Variants in INSR observed in about 807,000 individuals in gnomAD.
INSR encodes the protein insulin receptor, also known as IR.
In INSR, 67 loss-of-function variants were observed where a neutral mutation model predicts 142.6. The ratio of observed to expected loss-of-function variants is 0.47; its 90% CI spans 0.39 to 0.58. INSR has a LOEUF of 0.58. INSR is among the 20% of genes least tolerant of loss of function. The pLI, the probability that INSR is intolerant of heterozygous loss-of-function variation, is 0.00. For synonymous variants in INSR, 756 were observed against 743.1 expected, an observed-to-expected ratio of 1.02 and a Z score of -0.28; for missense variants, 1,248 against 1,833.2, an observed-to-expected ratio of 0.68 and a Z score of 5.83.
At chr19:7,246,803 CA>C (rs1212786414) in intron 2 of INSR, among the ~76,000 whole-genome samples, 2 of 151,364 alleles carry the variant, frequency 1.3e-5, no homozygotes, top group Non-Finnish European at 2.9e-5. Flanking sequence ...TGTTACACAG[CA>C]AAAATTAGCT....
intron 2 of INSR, among the ~76,000 whole-genome samples, chr19:7,266,260 T>C (rs1193401726): frequency 1.3e-5 from 2 of 152,128 alleles, no homozygotes; most frequent in South Asian, 2.1e-4. Flanking sequence ...CATTTGTCAA[T>C]CTGCACCAAG....
rs370458115 is a variant in INSR at position 7,184,502 on chromosome 19, C to A, written c.788G>T (p.Arg263Met). ...VACRNFYLDG[R>M]CVETCPPPYY... The stretch of plus-strand genomic sequence containing the variant: ...CGGGGGCGGGCAGGTCTCCACACAC[C>A]TGCCGTCCAGGTAGAAGTTGCGGCA... Residue 263 changes from arginine to methionine, a missense_variant, in exon 3 of 22, where the codon AGG becomes ATG. Arg to Met is a moderately conservative substitution (Grantham distance 91). Coordinates refer to ENST00000302850, the MANE Select transcript of INSR (RefSeq NM_000208.4). 6.2e-7 allele frequency: 1 copy of A among 1,613,986 alleles called. No homozygotes were observed. Among genetic ancestry groups the A allele is most frequent in the Non-Finnish European group, 8.5e-7 (1 of 1,180,004 alleles).
intron 2 of INSR, among the ~76,000 whole-genome samples, chr19:7,185,569 G>A (rs1197831478): frequency 1.3e-5 from 2 of 152,082 alleles, no homozygotes; most frequent in African/African-American, 4.8e-5. Flanking sequence ...GTGGCTCGGT[G>A]TGGTGGCTCA....
chr19:7,254,305 C>T (rs115715155), intron 2 of INSR, among the ~76,000 whole-genome samples: 2,728 of 152,054 alleles, frequency 0.018, 79 homozygotes, highest in African/African-American at 0.062. Flanking sequence ...CACTTGAGGA[C>T]AGGAATTTGT....
rs201875405 is a variant in INSR at position 7,281,323 on chromosome 19, GACA to G, written c.100+12466_100+12468del. ...CAAGATACATCCTTGAGAGTAGAAT[GACA>G]ACAACAAACAAACACACACACACAC... is the stretch of plus-strand genomic sequence containing the variant. On this transcript the variant is annotated intron_variant, in intron 1 of 21. Coordinates refer to ENST00000302850, the MANE Select transcript of INSR (RefSeq NM_000208.4). 9.0e-3 allele frequency among the ~76,000 whole-genome samples: 1,235 copies of G among 136,944 alleles called. 18 individuals are homozygous for G. The highest frequency in any genetic ancestry group is 0.033 in the African/African-American group (1,149 of 34,752). 89.8% of individuals were successfully genotyped at this position (136,944 alleles called of 152,430 possible).
At position 7,134,424 on chromosome 19, in the gene INSR, T is replaced by C. The variant is rs1972857603; in HGVS notation, c.2683-2107A>G. ...GTCTAAGGACAAATAAAAAAGCTCT[T>C]TCTTTGCCACGGTGCTGCCTTTCGA... On this transcript the variant is annotated intron_variant, in intron 13 of 21. Coordinates refer to ENST00000302850, the MANE Select transcript of INSR (RefSeq NM_000208.4). Among the ~76,000 whole-genome samples, 3 of 151,076 alleles carry C rather than the reference T, an allele frequency of 2.0e-5. No individual in the cohort carries two copies. In the South Asian group the frequency reaches 6.3e-4, roughly 32 times the overall value.
rs1370871210 is a variant in INSR at position 7,117,213 on chromosome 19, C to T, written c.3992G>A (p.Arg1331His). The change falls in exon 22 of 22, where the codon CGT (arginine) becomes CAT (histidine). Residue 1331 changes from arginine (R) to histidine (H), a missense_variant. Arg to His is a conservative substitution (Grantham distance 29). Transcript: ENST00000302850. ...CTCCTCCCTCTGACAGTGCGAGGAA[C>T]GGTCCAGGGGCACATTCTCCATGTC... is the stretch of plus-strand genomic sequence containing the variant. ...FEDMENVPLDRSSHCQREEAG... is the reference protein window; with the variant it reads ...FEDMENVPLDHSSHCQREEAG... The T allele has an allele frequency of 6.2e-6, 10 of 1,614,062 alleles. No individual in the cohort carries two copies. The highest frequency in any genetic ancestry group is 1.3e-5 in the African/African-American group (1 of 74,928).
intron 11 of INSR, among the ~76,000 whole-genome samples, chr19:7,145,466 T>C (rs1042297294): frequency 6.6e-6 from 1 of 152,218 alleles, no homozygotes; most frequent in African/African-American, 2.4e-5. Context: ...TCCCAAACTC[T>C]AACTCATTTA....
intron 11 of INSR, among the ~76,000 whole-genome samples, chr19:7,147,549 A>C (rs1190283217): frequency 6.6e-6 from 1 of 152,110 alleles, no homozygotes; most frequent in Non-Finnish European, 1.5e-5. Context: ...TTTAGTTTCT[A>C]TTGCAGCGTC....
chr19:7,123,214 G>T (rs1972538446), intron 17 of INSR: 1 of 534,014 alleles, frequency 1.9e-6, no homozygotes, highest in South Asian at 2.0e-5. Context: ...TGTTACCCAG[G>T]CTAGAGTGCA....
chr19:7,161,453 T>A (rs1230445456), intron 9 of INSR, among the ~76,000 whole-genome samples: 1 of 152,084 alleles, frequency 6.6e-6, no homozygotes, highest in African/African-American at 2.4e-5. Context: ...TCTTGCTATG[T>A]TGCCCAGGCT....
At chr19:7,134,702 T>C (rs1397037634) in intron 13 of INSR, among the ~76,000 whole-genome samples, 3 of 151,746 alleles carry the variant, frequency 2.0e-5, no homozygotes, top group East Asian at 3.9e-4. Flanking sequence ...GAGGCAGAGT[T>C]TGTAGTGAGT....
At chr19:7,220,010 C>G (rs1197126919) in intron 2 of INSR, among the ~76,000 whole-genome samples, 1 of 152,128 alleles carries the variant, frequency 6.6e-6, no homozygotes. Context: ...ATCATGGAGG[C>G]TGGAGGAATT....
chr19:7,113,276 T>C lies in INSR; in HGVS notation c.*3780A>G, dbSNP rs1432503021. The C allele has an allele frequency of 6.6e-6, 1 of 152,228 alleles. No individual in the cohort carries two copies. The highest frequency in any genetic ancestry group is 1.5e-5 in the Non-Finnish European group (1 of 68,056). The allele number at this position is 152,228 out of a possible 1,614,324, so 9.4% of individuals were successfully genotyped here. A position where few individuals can be genotyped will look rare whatever the true frequency, so the allele number is the denominator to read the frequency against. ...TGGTGGACTACCTGCCCTGCTAGGA[T>C]ACAGTGAAAGATCTGTCTGTCAGTT... On this transcript the variant is annotated 3_prime_UTR_variant, in exon 22 of 22. Transcript: ENST00000302850.
intron 13 of INSR, among the ~76,000 whole-genome samples, chr19:7,133,959 G>C (rs897194194): frequency 6.6e-6 from 1 of 152,126 alleles, no homozygotes. Context: ...ATGGGATATA[G>C]CTTACTGACT....
intron 1 of INSR, among the ~76,000 whole-genome samples, chr19:7,271,786 G>T (rs1967933282): frequency 6.6e-6 from 1 of 151,826 alleles, no homozygotes; most frequent in South Asian, 2.1e-4. Context: ...GAGACGGAAG[G>T]ATTGCTTAAA....
At chr19:7,200,137 C>G (rs894754430) in intron 2 of INSR, among the ~76,000 whole-genome samples, 2 of 148,150 alleles carry the variant, frequency 1.3e-5, no homozygotes, top group Non-Finnish European at 3.0e-5. Flanking sequence ...GGACTTTACC[C>G]CACAGCAGAA....
intron 2 of INSR, among the ~76,000 whole-genome samples, chr19:7,220,903 A>G (rs1975590901): frequency 6.6e-6 from 1 of 152,130 alleles, no homozygotes; most frequent in Admixed American, 6.6e-5. Context: ...AGAGGTGATT[A>G]AAAGGGCTGT....
rs1181860747 is a variant in INSR, at chr19:7,122,961, C to T, written c.3287G>A (p.Gly1096Asp). 6.2e-7 allele frequency: 1 copy of T among 1,606,442 alleles called. No individual in the cohort carries two copies. Among genetic ancestry groups the T allele is most frequent in the Non-Finnish European group, 8.5e-7 (1 of 1,177,510 alleles). The change falls in exon 18 of 22, where the codon GGC (glycine) becomes GAC (aspartate). Residue 1096 changes from glycine (G) to aspartate (D), a missense_variant. Gly to Asp is a moderately conservative substitution (Grantham distance 94). Transcript: ENST00000302850. ...CTCCATCACCACCAGCGTGGGCTGG[C>T]CCTTGGACACCACTCCCAGGAGGCG... ...VVRLLGVVSK[G>D]QPTLVVMELM... is the part of the protein sequence containing the mutation.
Sources: gnomAD v4.1 joint callset for allele counts (sites outside exome capture counted in the v4.1 genomes callset) on GRCh38, gnomAD v4.1.1 for gene constraint, MANE v1.5 for transcripts, NCBI Gene and HGNC (gene_info 2026-07-23, HGNC 2026-07-21) for gene names.